The following ABCA13 variants were observed in gnomAD, a reference collection of about 807,000 sequenced individuals.
ABCA13 encodes the protein ATP-binding cassette sub-family A member 13.
A neutral mutation model predicts 478.7 loss-of-function variants in ABCA13; 476 were observed. That is an observed-to-expected ratio of 0.99 (90% CI 0.92 to 1.07). The LOEUF (loss-of-function observed/expected upper bound fraction) is 1.07. Ranked by LOEUF, ABCA13 falls within the 50% of genes least tolerant of loss-of-function variation. The pLI is 0.00. For missense variants in ABCA13, 6,060 were observed against 5,910.6 expected (o/e 1.03, Z -0.83); for synonymous variants, 2,252 against 2,158.9 (o/e 1.04, Z -1.20).
At chr7:48,627,495 A>G (rs1184301292) in intron 59 of ABCA13, among the ~76,000 whole-genome samples, 1 of 152,194 alleles carries the variant, frequency 6.6e-6, no homozygotes. Flanking sequence ...AGATATTTAG[A>G]GTAAGACTCT....
intron 59 of ABCA13, among the ~76,000 whole-genome samples, chr7:48,619,734 G>T (rs1190359556): frequency 6.6e-6 from 1 of 152,150 alleles, no homozygotes; most frequent in East Asian, 1.9e-4. Context: ...ATCAAAGAAG[G>T]AGGAAGACAC....
chr7:48,246,320 T>A (rs1791668765), intron 13 of ABCA13, among the ~76,000 whole-genome samples: 1 of 150,650 alleles, frequency 6.6e-6, no homozygotes, highest in African/African-American at 2.5e-5. Context: ...TGCTTCATTC[T>A]TGGCTGCACA....
intron 42 of ABCA13, among the ~76,000 whole-genome samples, chr7:48,429,257 A>G (rs1452453452): frequency 2.0e-5 from 3 of 152,348 alleles, no homozygotes; most frequent in South Asian, 4.1e-4. Flanking sequence ...ACATTTATAT[A>G]CACAATTTTT....
Position 48,367,841 on chromosome 7 carries a change from C to T in ABCA13, c.10736C>T (p.Thr3579Met), listed in dbSNP as rs1388609306. 14 of 1,580,232 alleles carry T rather than the reference C, an allele frequency of 8.9e-6. No homozygotes were observed. The highest frequency in any genetic ancestry group is 1.7e-4 in the Middle Eastern group (1 of 6,040). Reference sequence around the variant, plus strand: ...TTTTTTCCACTGATAATGATGCTGACGTGGATGGTGTCTGTGGCCAGCATG... The same window carrying T: ...TTTTTTCCACTGATAATGATGCTGATGTGGATGGTGTCTGTGGCCAGCATG... The part of the protein sequence containing the change: ...GFFFPLIMML[T>M]WMVSVASMVR... The change falls in exon 32 of 62, where the codon ACG (threonine) becomes ATG (methionine). Residue 3579 changes from threonine (T) to methionine (M), a missense_variant. Transcript: ENST00000435803.
At chr7:48,186,509 G>A (rs1412529648) in intron 1 of ABCA13, among the ~76,000 whole-genome samples, 1 of 152,022 alleles carries the variant, frequency 6.6e-6, no homozygotes, top group African/African-American at 2.4e-5. Context: ...ATGTCTTAGT[G>A]TAGATTTAGC....
chr7:48,357,914 C>G (rs181860752), intron 31 of ABCA13, among the ~76,000 whole-genome samples: 4 of 151,472 alleles, frequency 2.6e-5, no homozygotes, highest in Non-Finnish European at 5.9e-5. Flanking sequence ...GAGGCCGAGG[C>G]GGGCAGATCA....
At chr7:48,458,917 A>G (rs1190366730) in intron 43 of ABCA13, among the ~76,000 whole-genome samples, 1 of 152,178 alleles carries the variant, frequency 6.6e-6, no homozygotes, top group Non-Finnish European at 1.5e-5. Flanking sequence ...TCCACAGCAC[A>G]TTGACTTTAT....
chr7:48,384,775 G>A (rs1001146380), intron 35 of ABCA13, among the ~76,000 whole-genome samples: 1 of 152,184 alleles, frequency 6.6e-6, no homozygotes, highest in Non-Finnish European at 1.5e-5. Context: ...TCACAATCCT[G>A]GAGGCTAAAA....
intron 55 of ABCA13, among the ~76,000 whole-genome samples, chr7:48,537,992 T>C (rs1833698406): frequency 6.6e-6 from 1 of 152,140 alleles, no homozygotes; most frequent in African/African-American, 2.4e-5. Flanking sequence ...AACTTAGAAC[T>C]CACTGTATTT....
chr7:48,334,405 G>T (rs1168901179), intron 27 of ABCA13, among the ~76,000 whole-genome samples: 1 of 151,542 alleles, frequency 6.6e-6, no homozygotes, highest in Non-Finnish European at 1.5e-5. Flanking sequence ...TGCAATCTTG[G>T]CTCACTGCAA....
intron 42 of ABCA13, among the ~76,000 whole-genome samples, chr7:48,431,520 G>A (rs1822152349): frequency 6.6e-6 from 1 of 152,204 alleles, no homozygotes; most frequent in Admixed American, 6.5e-5. Context: ...TAGTTTGTGT[G>A]TAGTGGTTGT....
intron 55 of ABCA13, among the ~76,000 whole-genome samples, chr7:48,537,782 T>C (rs370858983): frequency 6.6e-6 from 1 of 151,538 alleles, no homozygotes; most frequent in Non-Finnish European, 1.5e-5. Context: ...TGATCAGGAG[T>C]GACTCAGGAT....
intron 56 of ABCA13, among the ~76,000 whole-genome samples, chr7:48,585,717 C>G (rs1054877006): frequency 2.6e-5 from 4 of 151,968 alleles, no homozygotes; most frequent in African/African-American, 9.7e-5. Flanking sequence ...CTTTTTAGTC[C>G]TATAGAATTT....
chr7:48,566,965 C>G (rs941368080), intron 55 of ABCA13, among the ~76,000 whole-genome samples: 2 of 152,150 alleles, frequency 1.3e-5, no homozygotes, highest in Admixed American at 6.5e-5. Flanking sequence ...ATAGACACAT[C>G]ACTGCTTAAT....
chr7:48,495,719 A>G (rs1447177236), intron 48 of ABCA13, among the ~76,000 whole-genome samples: 1 of 151,842 alleles, frequency 6.6e-6, no homozygotes, highest in African/African-American at 2.4e-5. Flanking sequence ...TTCTTCATGT[A>G]TTTTGAAGCT....
chr7:48,281,315 AT>A (rs763996878), intron 18 of ABCA13, 27 bp from the exon 19 acceptor site: 18 of 1,555,916 alleles, frequency 1.2e-5, no homozygotes, highest in Non-Finnish European at 1.5e-5. Context: ...TTACCCTTTT[AT>A]GTCATTGTAT....
At chr7:48,512,553 G>A (rs1359101484) in intron 51 of ABCA13, among the ~76,000 whole-genome samples, 2 of 152,130 alleles carry the variant, frequency 1.3e-5, no homozygotes, top group East Asian at 3.9e-4. Context: ...CAATTGAATG[G>A]ATAGTGTTGT....
At position 48,273,691 on chromosome 7, in the gene ABCA13, AT is replaced by A; in HGVS notation, c.4028del (p.Leu1343CysfsTer16). ...VFLRNVSHDR[D>X]LFSCADIFQN... The stretch of plus-strand genomic sequence containing the variant: ...CTTAGAAATGTATCACATGATCGAG[AT>A]TTGTTTTCCTGTGCTGATATTTTCC... On this transcript the variant is annotated frameshift_variant, in exon 17 of 62. Coordinates refer to ENST00000435803, the MANE Select transcript of ABCA13 (RefSeq NM_152701.5). LOFTEE classifies it high-confidence loss of function. 1 of 1,608,368 alleles carries A rather than the reference AT, an allele frequency of 6.2e-7. No individual in the cohort carries two copies. The highest frequency in any genetic ancestry group is 8.5e-7 in the Non-Finnish European group (1 of 1,176,982).
At chr7:48,628,116 C>G (rs1274048663) in intron 59 of ABCA13, among the ~76,000 whole-genome samples, 1 of 152,132 alleles carries the variant, frequency 6.6e-6, no homozygotes, top group African/African-American at 2.4e-5. Context: ...AAAGTTCTTT[C>G]CCAAGAAAAA....
Sources: allele counts gnomAD v4.1 joint callset (sites outside exome capture counted in the v4.1 genomes callset), GRCh38; gene constraint gnomAD v4.1.1; transcripts MANE v1.5; gene names NCBI Gene and HGNC (gene_info 2026-07-23, HGNC 2026-07-21).